KATNIP: variants seen among roughly 807,000 people sequenced by gnomAD.
The protein encoded by KATNIP is katanin-interacting protein.
A neutral mutation model predicts 174.0 loss-of-function variants in KATNIP; 126 were observed. That is an observed-to-expected ratio of 0.72 (90% CI 0.63 to 0.84). The LOEUF is 0.84. Among genes scored for constraint, KATNIP ranks in the 40% least tolerant of loss-of-function variants. The pLI, the probability that KATNIP is intolerant of heterozygous loss-of-function variation, is 0.00. For missense variants in KATNIP, 1,958 were observed against 2,109.7 expected, an observed-to-expected ratio of 0.93 and a Z score of 1.41; for synonymous variants, 810 against 835.7, an observed-to-expected ratio of 0.97 and a Z score of 0.53.
chr16:27,636,004 T>C (rs2076625004), intron 5 of KATNIP, among the ~76,000 whole-genome samples: 1 of 151,946 alleles, frequency 6.6e-6, no homozygotes, highest in African/African-American at 2.4e-5. Flanking sequence ...AATAAAAAAA[T>C]TAGCCAGGCA....
chr16:27,726,740 G>A (rs941587559), intron 14 of KATNIP, among the ~76,000 whole-genome samples: 3 of 152,198 alleles, frequency 2.0e-5, no homozygotes, highest in Non-Finnish European at 4.4e-5. Context: ...GGCCTTCCCC[G>A]AGCTCAGTGA....
intron 18 of KATNIP, chr16:27,757,490 A>G: frequency 1.0e-6 from 1 of 985,302 alleles, no homozygotes; most frequent in Non-Finnish European, 1.2e-6. Context: ...TGATTTCCCC[A>G]AAGATGCTGC....
At chr16:27,695,204 A>T (rs556045972) in intron 8 of KATNIP, among the ~76,000 whole-genome samples, 1 of 151,900 alleles carries the variant, frequency 6.6e-6, no homozygotes, top group African/African-American at 2.4e-5. Context: ...CCCTGCTTTC[A>T]CCTCCTTTCA....
intron 6 of KATNIP, among the ~76,000 whole-genome samples, chr16:27,668,751 A>G (rs1305041878): frequency 6.6e-6 from 1 of 152,188 alleles, no homozygotes; most frequent in African/African-American, 2.4e-5. Context: ...CATGCCTACA[A>G]TCCCAGCACT....
intron 6 of KATNIP, chr16:27,654,637 C>T (rs1259224140): frequency 3.0e-6 from 4 of 1,351,924 alleles, no homozygotes; most frequent in Non-Finnish European, 3.9e-6. Context: ...GTACCAAGCC[C>T]TGTGGTTTTA....
chr16:27,652,386 A>G (rs112908466), intron 6 of KATNIP, among the ~76,000 whole-genome samples: 17 of 152,228 alleles, frequency 1.1e-4, no homozygotes, highest in Non-Finnish European at 4.4e-5. Context: ...AGGGGAAACC[A>G]TCATACCTGT....
intron 7 of KATNIP, among the ~76,000 whole-genome samples, chr16:27,680,964 G>A (rs1221914065): frequency 6.6e-6 from 1 of 152,134 alleles, no homozygotes; most frequent in South Asian, 2.1e-4. Context: ...TAAAGTGCTG[G>A]GATTAGAGGC....
At chr16:27,636,454 AAGG>A (rs1164310567) in intron 5 of KATNIP, among the ~76,000 whole-genome samples, 26 of 152,150 alleles carry the variant, frequency 1.7e-4, no homozygotes, top group African/African-American at 6.3e-4. Context: ...TGGAGAGTGG[AAGG>A]AGTAGGCTTT....
At chr16:27,615,880 A>G (rs562845778) in intron 2 of KATNIP, among the ~76,000 whole-genome samples, 1 of 152,296 alleles carries the variant, frequency 6.6e-6, no homozygotes, top group South Asian at 2.1e-4. Context: ...AGAAGTTAAG[A>G]AGAGAATAGT....
At chr16:27,767,903 G>A (rs547338502) in intron 20 of KATNIP, among the ~76,000 whole-genome samples, 38 of 152,196 alleles carry the variant, frequency 2.5e-4, no homozygotes, top group Non-Finnish European at 5.1e-4. Flanking sequence ...CAGATATATT[G>A]ACATTAAAAA....
At chr16:27,623,911 T>C (rs1320712300) in intron 3 of KATNIP, among the ~76,000 whole-genome samples, 1 of 152,096 alleles carries the variant, frequency 6.6e-6, no homozygotes, top group African/African-American at 2.4e-5. Context: ...AGGGTCCTCA[T>C]TGCCAGAGGC....
intron 24 of KATNIP, among the ~76,000 whole-genome samples, chr16:27,775,702 C>G (rs1393684419): frequency 6.6e-6 from 1 of 152,046 alleles, no homozygotes; most frequent in Non-Finnish European, 1.5e-5. Context: ...GGTCAGCCCC[C>G]CTGCAGCCTC....
chr16:27,723,164 C>A (rs2080306811), intron 14 of KATNIP, among the ~76,000 whole-genome samples: 1 of 152,164 alleles, frequency 6.6e-6, no homozygotes, highest in Non-Finnish European at 1.5e-5. Context: ...TTCAGTCTGT[C>A]TCCAGCAGCC....
In KATNIP at chr16:27,747,270, A is replaced by G. The variant is rs189103829; in HGVS notation, c.2624-2314A>G. 3.9e-5 allele frequency among the ~76,000 whole-genome samples: 6 copies of G among 152,348 alleles called. No individual in the cohort carries two copies. In the East Asian group the frequency reaches 1.2e-3, roughly 29 times the overall value. ...ATGGAAGAGGTTTGCCAGGGATGTC[A>G]CACATAGACTGAAGACTGACAAAGA... is the stretch of plus-strand genomic sequence containing the variant. On this transcript the variant is annotated intron_variant, in intron 15 of 27. Transcript: ENST00000261588.
rs146732170 is a variant in KATNIP, at chr16:27,643,550, C to T, written c.409-5054C>T. Among the ~76,000 whole-genome samples the T allele has an allele frequency of 6.9e-3, 945 of 136,688 alleles. 14 individuals are homozygous for T. The highest frequency in any genetic ancestry group is 0.025 in the African/African-American group (899 of 36,284). The allele number at this position is 136,688 out of a possible 152,430, so 89.7% of individuals were successfully genotyped here. ...AGGTTGCAGTGAGTCGAGATCACCC[C>T]GCTGCACTCCAGGCTGGGTAACAGA... is the stretch of plus-strand genomic sequence containing the variant. On this transcript the variant is annotated intron_variant, in intron 5 of 27. Coordinates refer to ENST00000261588, the MANE Select transcript of KATNIP (RefSeq NM_015202.5).
rs952443656 is a variant in KATNIP at position 27,642,430 on chromosome 16, G to C, written c.409-6174G>C. ...CCTGTTGTGGGGGGCCTGCTGTGGGGCCTAAAACTTAAAGTATAATAAAAA... is the reference window on the plus strand; with the variant it reads ...CCTGTTGTGGGGGGCCTGCTGTGGGCCCTAAAACTTAAAGTATAATAAAAA... On this transcript the variant is annotated intron_variant, in intron 5 of 27. Transcript: ENST00000261588. Among the ~76,000 whole-genome samples the C allele has an allele frequency of 4.6e-5, 7 of 152,096 alleles. 1 individual carries two copies. The highest frequency in any genetic ancestry group is 7.4e-5 in the Non-Finnish European group (5 of 68,026).
chr16:27,591,002 C>T (rs1294473916), intron 2 of KATNIP, among the ~76,000 whole-genome samples: 3 of 152,210 alleles, frequency 2.0e-5, no homozygotes, highest in South Asian at 4.1e-4. Flanking sequence ...GGCTGATATA[C>T]GGACTTGCTC....
chr16:27,552,578 G>A (rs928185748), intron 1 of KATNIP, among the ~76,000 whole-genome samples: 1 of 150,212 alleles, frequency 6.7e-6, no homozygotes, highest in Non-Finnish European at 1.5e-5. Context: ...GTTTCCCCAT[G>A]TTGGCCAGCT....
At chr16:27,630,325 G>A (rs2142157748) in intron 4 of KATNIP, among the ~76,000 whole-genome samples, 1 of 152,358 alleles carries the variant, frequency 6.6e-6, no homozygotes, top group South Asian at 2.1e-4. Context: ...AGAAATGTAA[G>A]CTGTCTGTCA....
Sources: gnomAD v4.1 joint callset for allele counts (sites outside exome capture counted in the v4.1 genomes callset) on GRCh38, gnomAD v4.1.1 for gene constraint, MANE v1.5 for transcripts, NCBI Gene and HGNC (gene_info 2026-07-23, HGNC 2026-07-21) for gene names.